The following POM121 variants were observed in gnomAD, a reference collection of about 807,000 sequenced individuals.
POM121 encodes nuclear envelope pore membrane protein POM 121.
POM121 carries 32 observed loss-of-function variants against 81.3 expected under a neutral mutation model. The observed-to-expected ratio is 0.39, with a 90% CI of 0.30 to 0.53. POM121 has a LOEUF of 0.53. Among genes scored for constraint, POM121 ranks in the 20% least tolerant of loss-of-function variants. The probability of loss-of-function intolerance (pLI) is 0.66; values close to 1 mark genes in which losing one functional copy is unlikely to be tolerated. For missense variants in POM121, 1,138 were observed against 1,614.6 expected, an observed-to-expected ratio of 0.70 and a Z score of 5.06; for synonymous variants, 514 against 694.2, an observed-to-expected ratio of 0.74 and a Z score of 4.08.
intron 3 of POM121, among the ~76,000 whole-genome samples, chr7:72,895,503 C>CT (rs1391311880): frequency 6.6e-6 from 1 of 152,176 alleles, no homozygotes; most frequent in Non-Finnish European, 1.5e-5. Context: ...TCCTTCTGTA[C>CT]TTTAAGTATT....
At position 72,926,340 on chromosome 7, in the gene POM121, T is replaced by C. The variant is rs782773880; in HGVS notation, c.723T>C (p.Cys241=). 6.2e-6 allele frequency: 10 copies of C among 1,612,988 alleles called. No individual in the cohort carries two copies. The highest frequency in any genetic ancestry group is 1.7e-5 in the Admixed American group (1 of 59,802). The change falls in exon 2 of 13, where the codon TGT becomes TGC. Residue 241 remains cysteine, a synonymous_variant. Transcript: ENST00000434423. ...CGATCCATCAGGCCCAGTATTCCTG[T>C]CTGGGGGTACTTCCCACCGTGTGCT... is the stretch of plus-strand genomic sequence containing the variant. The part of the protein sequence containing the change: ...RYPIHQAQYS[C]LGVLPTVCWN...
rs199700249 is a variant in POM121, at chr7:72,901,968, CG to C, written c.-216+10861del. ...TCTCTACTAAAAATACAAAATTAGC[CG>C]GGCATGGTGGCGCATGCCTGTAATC... On this transcript the variant is annotated intron_variant, in intron 3 of 15. Coordinates refer to the POM121 transcript ENST00000395270. 8.8e-3 allele frequency among the ~76,000 whole-genome samples: 1,336 copies of C among 151,514 alleles called. 20 individuals are homozygous for C. The highest frequency in any genetic ancestry group is 0.029 in the African/African-American group (1,211 of 41,398).
chr7:72,944,835 A>G (rs1161707400), intron 11 of POM121, among the ~76,000 whole-genome samples: 1 of 152,080 alleles, frequency 6.6e-6, no homozygotes, highest in African/African-American at 2.4e-5. Context: ...AGGGGCTGAG[A>G]GGACCATCAG....
At chr7:72,914,328 G>A (rs1212704062) in intron 4 of POM121, among the ~76,000 whole-genome samples, 1 of 152,142 alleles carries the variant, frequency 6.6e-6, no homozygotes, top group Non-Finnish European at 1.5e-5. Flanking sequence ...CCCAGCTGAG[G>A]CCCCACATGT....
intron 1 of POM121, among the ~76,000 whole-genome samples, chr7:72,888,724 T>C (rs1466741579): frequency 6.6e-6 from 1 of 150,422 alleles, no homozygotes; most frequent in Non-Finnish European, 1.5e-5. Context: ...ACTGTATATA[T>C]GTGCTTGTGT....
In POM121 at chr7:72,926,307, A is replaced by T; in HGVS notation, c.690A>T (p.Arg230Ser). ...ATCGGTTTGTAATAACACCTAGAAG[A>T]CGCTATCCGATCCATCAGGCCCAGT... Reference protein sequence around the residue: ...LPNRFVITPRRRYPIHQAQYS... With the variant: ...LPNRFVITPRSRYPIHQAQYS... Residue 230 changes from arginine to serine, a missense_variant, in exon 2 of 13, where the codon AGA (arginine) becomes AGT (serine). Coordinates refer to ENST00000434423, the MANE Select transcript of POM121 (RefSeq NM_001387691.1). 6.3e-7 allele frequency: 1 copy of T among 1,593,584 alleles called. No individual in the cohort carries two copies.
intron 4 of POM121, among the ~76,000 whole-genome samples, chr7:72,914,594 G>A (rs1303245800): frequency 1.3e-5 from 2 of 151,406 alleles, no homozygotes; most frequent in African/African-American, 4.9e-5. Context: ...GGATGGTCTT[G>A]AACTTCTGGC....
chr7:72,950,075 G>C (rs1554504491), downstream of POM121: 1 of 1,577,102 alleles, frequency 6.3e-7, no homozygotes, highest in Non-Finnish European at 8.7e-7. Context: ...TGCAGAATGA[G>C]GTGTCCGGCC....
chr7:72,883,653 T>C (rs1305955453), intron 1 of POM121, among the ~76,000 whole-genome samples: 2 of 151,760 alleles, frequency 1.3e-5, no homozygotes, highest in African/African-American at 4.8e-5. Flanking sequence ...TTTAAAAATA[T>C]CTTGTATGCC....
chr7:72,948,595 G>A (rs201055540), downstream of POM121: 196 of 1,609,018 alleles, frequency 1.2e-4, 6 homozygotes, highest in South Asian at 2.0e-3. Flanking sequence ...CTGTGAGGCT[G>A]AGCTAGAGAA....
rs1554502441 is a variant in POM121, at chr7:72,943,426, G to A, written c.3433G>A (p.Gly1145Arg). The A allele has an allele frequency of 6.2e-7, 1 of 1,612,834 alleles. No individual in the cohort carries two copies. The highest frequency in any genetic ancestry group is 2.2e-5 in the East Asian group (1 of 44,832). The change falls in exon 11 of 13, where the codon GGG becomes AGG. Residue 1145 changes from glycine (G) to arginine (R), a missense_variant. By Grantham distance (125) the Gly-to-Arg change is moderately radical. Transcript: ENST00000434423. Reference protein sequence around the residue: ...GSTATSTPFAGGLGQNALGTT... With the variant: ...GSTATSTPFARGLGQNALGTT... The stretch of plus-strand genomic sequence containing the variant: ...CACAGCCACCTCCACCCCCTTCGCA[G>A]GGGGCTTAGGTCAGAACGCCCTGGG...
At chr7:72,881,066 CTTTTTTTTTTTTTTT>C (rs3973810) in intron 1 of POM121, among the ~76,000 whole-genome samples, 1 of 47,196 alleles carries the variant, frequency 2.1e-5, no homozygotes, top group Non-Finnish European at 5.3e-5. Context: ...CCCTATCACT[CTTTTTTTTTTTTTTT>C]TTTTTTTGAG....
At chr7:72,938,556 C>T (rs1554499967) in intron 5 of POM121, 34 bp from the exon 6 acceptor site, 3 of 1,598,408 alleles carry the variant, frequency 1.9e-6, no homozygotes, top group Admixed American at 1.7e-5. Flanking sequence ...GCTAAGTTAT[C>T]AGCAGGCTCA....
chr7:72,896,940 G>T (rs1274962903), intron 3 of POM121, among the ~76,000 whole-genome samples: 1 of 152,282 alleles, frequency 6.6e-6, no homozygotes, highest in Admixed American at 6.5e-5. Context: ...ATGTGTCAAG[G>T]CCGGGCGTGG....
intron 3 of POM121, among the ~76,000 whole-genome samples, chr7:72,907,143 A>G (rs1308266909): frequency 6.6e-6 from 1 of 152,074 alleles, no homozygotes; most frequent in Non-Finnish European, 1.5e-5. Context: ...AAATCAATTC[A>G]GTATGCCATT....
In POM121 at chr7:72,946,555, A is replaced by T. The variant is rs1186911568; in HGVS notation, c.*321A>T. ...ACTCCCGCTTAGCACACCCTTAGGC[A>T]GGCGCCCCTTCCACCTTTCCCCGAG... is the stretch of plus-strand genomic sequence containing the variant. On this transcript the variant is annotated 3_prime_UTR_variant, in exon 13 of 13. Coordinates refer to ENST00000434423, the MANE Select transcript of POM121 (RefSeq NM_001387691.1). The T allele has an allele frequency of 6.5e-6, 7 of 1,082,332 alleles. No individual in the cohort carries two copies. Among genetic ancestry groups the T allele is most frequent in the Non-Finnish European group, 7.8e-6 (7 of 892,438 alleles). The allele number at this position is 1,082,332 out of a possible 1,614,324, so 67.0% of individuals were successfully genotyped here.
At position 72,925,509 on chromosome 7, in the gene POM121, G is replaced by C. The variant is rs1554497054; in HGVS notation, c.388G>C (p.Asp130His). The C allele has an allele frequency of 1.8e-5, 28 of 1,533,108 alleles. No individual in the cohort carries two copies. Among genetic ancestry groups the C allele is most frequent in the Non-Finnish European group, 2.1e-5 (24 of 1,146,220 alleles). The allele number at this position is 1,533,108 out of a possible 1,614,324, so 95.0% of individuals were successfully genotyped here. ...LEPRTLLEGP[D>H]PAELLLMGSY... is the part of the protein sequence containing the mutation. ...GCCGCGGACCCTGCTCGAAGGACCT[G>C]ACCCTGCGGAACTGCTACTCATGGG... The change falls in exon 1 of 13, where the codon GAC (aspartate) becomes CAC (histidine). Residue 130 changes from aspartate (D) to histidine (H), a missense_variant. Asp to His is a moderately conservative substitution (Grantham distance 81). Coordinates refer to ENST00000434423, the MANE Select transcript of POM121 (RefSeq NM_001387691.1).
intron 4 of POM121, among the ~76,000 whole-genome samples, chr7:72,919,627 C>T (rs1342578855): frequency 3.3e-5 from 5 of 152,008 alleles, no homozygotes; most frequent in African/African-American, 9.7e-5. Flanking sequence ...AGACTCCAGG[C>T]GTGTGCCACT....
rs367935041 is a variant in POM121, at chr7:72,942,144, C to T, written c.2151C>T (p.Ala717=). 49 of 1,608,932 alleles carry T rather than the reference C, an allele frequency of 3.0e-5. No homozygotes were observed. Among genetic ancestry groups the T allele is most frequent in the East Asian group, 4.5e-5 (2 of 44,690 alleles). Residue 717 remains alanine (A), a synonymous_variant, in exon 11 of 13, where the codon GCC becomes GCT. Transcript: ENST00000434423. ...GTQNTSPSSP[A]APAASSAPPM... is the part of the protein sequence containing the mutation. ...AGAACACCTCACCTTCCAGCCCTGC[C>T]GCCCCTGCTGCATCTTCAGCACCTC...
Sources: allele counts gnomAD v4.1 joint callset (sites outside exome capture counted in the v4.1 genomes callset), GRCh38; gene constraint gnomAD v4.1.1; transcripts MANE v1.5; gene names NCBI Gene and HGNC (gene_info 2026-07-23, HGNC 2026-07-21).